IKBKG: variants seen among roughly 807,000 people sequenced by gnomAD.
IKBKG encodes inhibitor of nuclear factor kappa B kinase regulatory subunit gamma.
IKBKG carries 2 observed loss-of-function variants against 13.7 expected under a neutral mutation model. That is an observed-to-expected ratio of 0.15 (90% confidence interval 0.06 to 0.46). The LOEUF is 0.46. Ranked by LOEUF, IKBKG falls within the 20% of genes least tolerant of loss-of-function variation. IKBKG has a pLI of 0.98. For missense variants in IKBKG, 53 were observed against 150.3 expected (o/e 0.35, Z 3.39); for synonymous variants, 22 against 64.4 (o/e 0.34, Z 3.15).
Position 154,552,069 on chromosome X carries a change from G to C in IKBKG, c.67G>C (p.Asp23His). 8.4e-7 allele frequency: 1 copy of C among 1,183,557 alleles called. No individual in the cohort carries two copies. Among genetic ancestry groups the C allele is most frequent in the Non-Finnish European group, 1.1e-6 (1 of 876,455 alleles). Residue 23 changes from aspartate (D) to histidine (H), a missense_variant, in exon 2 of 10, where the codon GAT (aspartate) becomes CAT (histidine). Asp to His is a moderately conservative substitution (Grantham distance 81, BLOSUM62 -1). Around this residue, in one of 3 missense-constraint regions of IKBKG, gnomAD observed 47 missense variants for 50.0 expected, o/e 0.94. Transcript: ENST00000594239. Reference sequence around the variant, plus strand: ...GCAGCCCAGTGGTGGCCCGGCAGCAGATCAGGACGTACTGGGCGAAGAGTC... The same window carrying C: ...GCAGCCCAGTGGTGGCCCGGCAGCACATCAGGACGTACTGGGCGAAGAGTC... The part of the protein sequence containing the change: ...MVQPSGGPAA[D>H]QDVLGEESPL...
At chrX:154,552,637 C>T (rs2070965409) in intron 2 of IKBKG, among the ~76,000 whole-genome samples, 2 of 109,325 alleles carry the variant, frequency 1.8e-5, no homozygotes, top group African/African-American at 3.3e-5. Flanking sequence ...TGGAAATGGG[C>T]GGGGCATGCC....
At chrX:154,543,910 C>G (rs782147404), upstream of IKBKG, among the ~76,000 whole-genome samples, 3 of 107,417 alleles carry the variant, frequency 2.8e-5, no homozygotes, top group East Asian at 5.8e-4. Flanking sequence ...CTCTGTCACC[C>G]AGGCTGGAAT....
chrX:154,545,271 T>C (rs916665770), upstream of IKBKG, among the ~76,000 whole-genome samples: 5 of 111,561 alleles, frequency 4.5e-5, no homozygotes, highest in Non-Finnish European at 9.4e-5. Context: ...GCAGAGCTCC[T>C]TGGTAGGCTT....
At chrX:154,553,909 G>T (rs2070999265) in intron 2 of IKBKG, among the ~76,000 whole-genome samples, 1 of 112,379 alleles carries the variant, frequency 8.9e-6, no homozygotes, top group African/African-American at 3.2e-5. Flanking sequence ...TTGAGGGTGA[G>T]TGTTGCAGGC....
intron 1 of IKBKG, chrX:154,548,020 C>T: frequency 1.3e-6 from 1 of 754,627 alleles, no homozygotes; most frequent in Non-Finnish European, 1.6e-6. Flanking sequence ...TTCTGTTCAC[C>T]AAACTTGACT....
intron 1 of IKBKG, among the ~76,000 whole-genome samples, chrX:154,550,887 C>T (rs781818077): frequency 8.6e-4 from 94 of 109,519 alleles, no homozygotes; most frequent in African/African-American, 3.0e-3. Flanking sequence ...CCCGGGTTCA[C>T]GCCATTCTCC....
upstream of IKBKG, among the ~76,000 whole-genome samples, chrX:154,542,943 G>C (rs1218887198): frequency 8.9e-6 from 1 of 112,172 alleles, no homozygotes; most frequent in Admixed American, 9.4e-5. Flanking sequence ...CTGTGGCCCA[G>C]AAGTACCCAA....
upstream of IKBKG, chrX:154,546,023 G>C (rs782306137): frequency 8.3e-7 from 1 of 1,207,528 alleles, no homozygotes; most frequent in Non-Finnish European, 1.1e-6. Context: ...ATTGGGGCCT[G>C]GGAGATACTC....
intron 2 of IKBKG, among the ~76,000 whole-genome samples, chrX:154,554,737 C>T (rs2071016089): frequency 9.0e-6 from 1 of 111,208 alleles, no homozygotes; most frequent in African/African-American, 3.3e-5. Context: ...GCCTGGGCGA[C>T]AGAGCGAGAG....
At chrX:154,551,108 G>A (rs2070918909) in intron 1 of IKBKG, among the ~76,000 whole-genome samples, 1 of 100,952 alleles carries the variant, frequency 9.9e-6, no homozygotes, top group African/African-American at 4.2e-5. Flanking sequence ...CACCGTGACC[G>A]GCAATTTTTT....
upstream of IKBKG, chrX:154,547,403 T>C (rs2148355930): frequency 1.3e-6 from 1 of 754,343 alleles, no homozygotes; most frequent in East Asian, 1.5e-4. Context: ...GACGCCGCCG[T>C]CCGAGAGACG....
upstream of IKBKG, among the ~76,000 whole-genome samples, chrX:154,543,488 G>A (rs2070585719): frequency 8.9e-6 from 1 of 112,157 alleles, no homozygotes; most frequent in African/African-American, 3.2e-5. Context: ...TCTCAATGAG[G>A]TGTCTAATAA....
upstream of IKBKG, chrX:154,542,428 G>A: frequency 8.4e-7 from 1 of 1,186,847 alleles, no homozygotes; most frequent in Non-Finnish European, 1.1e-6. Context: ...TAGTCTACAA[G>A]GCCAGAGCTT....
chrX:154,549,421 A>G (rs1603416856), intron 1 of IKBKG, among the ~76,000 whole-genome samples: 1 of 107,481 alleles, frequency 9.3e-6, no homozygotes, highest in African/African-American at 3.4e-5. Context: ...ACAGGCATGC[A>G]CCATCACTCC....
At chrX:154,553,336 G>A (rs375999615) in intron 2 of IKBKG, among the ~76,000 whole-genome samples, 1 of 112,869 alleles carries the variant, frequency 8.9e-6, no homozygotes, top group Admixed American at 9.3e-5. Flanking sequence ...ACTGTGGTCC[G>A]AGATGTTATG....
intron 1 of IKBKG, among the ~76,000 whole-genome samples, chrX:154,541,632 G>C (rs1557231951): frequency 8.9e-6 from 1 of 111,762 alleles, no homozygotes; most frequent in African/African-American, 3.3e-5. Flanking sequence ...AATTCAAGGG[G>C]TCCTTAGTGA....
At chrX:154,547,017 C>G, upstream of IKBKG, 1 of 208,629 alleles carries the variant, frequency 4.8e-6, no homozygotes, top group East Asian at 9.4e-5. Context: ...GCCCCTGCCT[C>G]TCGGGCACCT....
At chrX:154,545,482 C>T (rs2148348585), upstream of IKBKG, among the ~76,000 whole-genome samples, 1 of 111,568 alleles carries the variant, frequency 9.0e-6, no homozygotes, top group African/African-American at 3.3e-5. Flanking sequence ...TAGACAGTCC[C>T]TAAAGAGCCT....
chrX:154,543,326 G>T (rs1373731595), upstream of IKBKG, among the ~76,000 whole-genome samples: 3 of 112,593 alleles, frequency 2.7e-5, no homozygotes, highest in African/African-American at 9.7e-5. Flanking sequence ...CCCGAAGCTG[G>T]CCACAGGCGG....
Sources: allele counts gnomAD v4.1 joint callset (sites outside exome capture counted in the v4.1 genomes callset), GRCh38; gene constraint gnomAD v4.1.1; regional missense constraint gnomAD v4.1.1; transcripts MANE v1.5; gene names NCBI Gene and HGNC (gene_info 2026-07-23, HGNC 2026-07-21).